The following NXPH2 variants were observed in gnomAD, a reference collection of about 807,000 sequenced individuals.
The protein encoded by NXPH2 is neurexophilin-2.
NXPH2 carries 5 observed loss-of-function variants against 19.8 expected under a neutral mutation model. The observed-to-expected ratio is 0.25, with a 90% confidence interval of 0.13 to 0.53. NXPH2 has a LOEUF of 0.53. Among genes scored for constraint, NXPH2 ranks in the 20% least tolerant of loss-of-function variants. NXPH2 has a pLI of 0.96. For missense variants in NXPH2, 289 were observed against 322.8 expected (o/e 0.90, Z 0.80); for synonymous variants, 154 against 127.4 (o/e 1.21, Z -1.41).
At chr2:138,740,640 A>G (rs2105005858) in intron 1 of NXPH2, among the ~76,000 whole-genome samples, 1 of 152,320 alleles carries the variant, frequency 6.6e-6, no homozygotes, top group East Asian at 1.9e-4. Context: ...GCCATATGCT[A>G]CAACGCAGGG....
chr2:138,764,425 C>A (rs953870382), intron 1 of NXPH2, among the ~76,000 whole-genome samples: 1 of 152,160 alleles, frequency 6.6e-6, no homozygotes, highest in Non-Finnish European at 1.5e-5. Context: ...GTAGCTGGCC[C>A]ATGGACCAGC....
intron 1 of NXPH2, among the ~76,000 whole-genome samples, chr2:138,756,416 A>C (rs1392456563): frequency 6.6e-6 from 1 of 150,798 alleles, no homozygotes; most frequent in Non-Finnish European, 1.5e-5. Flanking sequence ...TTGAAAAGAA[A>C]TCTAGGTGCA....
At chr2:138,759,048 T>C (rs1208910442) in intron 1 of NXPH2, among the ~76,000 whole-genome samples, 1 of 152,214 alleles carries the variant, frequency 6.6e-6, no homozygotes, top group Non-Finnish European at 1.5e-5. Flanking sequence ...ACACTCTTTT[T>C]AACTTCTTTT....
intron 1 of NXPH2, among the ~76,000 whole-genome samples, chr2:138,691,011 G>A (rs999293895): frequency 6.6e-6 from 1 of 152,176 alleles, no homozygotes; most frequent in African/African-American, 2.4e-5. Flanking sequence ...TCACAACAAG[G>A]GAAGAGTGTT....
At chr2:138,734,852 G>T (rs1681514675) in intron 1 of NXPH2, among the ~76,000 whole-genome samples, 2 of 152,214 alleles carry the variant, frequency 1.3e-5, no homozygotes, top group Non-Finnish European at 2.9e-5. Context: ...AGAGAATTCA[G>T]TGTAGGGTAA....
intron 1 of NXPH2, among the ~76,000 whole-genome samples, chr2:138,689,928 C>T (rs534400041): frequency 2.0e-5 from 3 of 152,226 alleles, no homozygotes; most frequent in African/African-American, 4.8e-5. Flanking sequence ...AACAAATGGG[C>T]CTGTACATGC....
At chr2:138,741,386 C>T (rs1250236852) in intron 1 of NXPH2, among the ~76,000 whole-genome samples, 2 of 152,174 alleles carry the variant, frequency 1.3e-5, no homozygotes, top group Non-Finnish European at 2.9e-5. Flanking sequence ...GAAGAATGTT[C>T]TTGAGAGCTC....
intron 1 of NXPH2, among the ~76,000 whole-genome samples, chr2:138,697,648 T>C (rs1680848231): frequency 6.6e-6 from 1 of 151,898 alleles, no homozygotes; most frequent in African/African-American, 2.4e-5. Context: ...TTGGTATTTC[T>C]TATTTTCTTC....
chr2:138,746,395 A>T (rs1464761263), intron 1 of NXPH2, among the ~76,000 whole-genome samples: 1 of 151,650 alleles, frequency 6.6e-6, no homozygotes, highest in African/African-American at 2.4e-5. Context: ...GAAACTAAGA[A>T]CCTCCCTTGG....
At chr2:138,720,072 A>G (rs1681253158) in intron 1 of NXPH2, among the ~76,000 whole-genome samples, 1 of 152,122 alleles carries the variant, frequency 6.6e-6, no homozygotes, top group Non-Finnish European at 1.5e-5. Flanking sequence ...TCAATCCAGT[A>G]TAAAAAACAA....
rs770661941 is a variant in NXPH2, at chr2:138,671,472, T to C, written c.245A>G (p.Asp82Gly). The change falls in exon 2 of 2, where the codon GAT becomes GGT. Residue 82 changes from aspartate to glycine, a missense_variant. Physicochemically the swap from Asp to Gly is moderately conservative, Grantham distance 94. Transcript: ENST00000272641. ...AATCTCCGTGATGTTGGCCAGCCAA[T>C]CCCAAAAGTTTTCCATGCTGTCTGC... is the stretch of plus-strand genomic sequence containing the variant. The part of the protein sequence containing the change: ...AYADSMENFW[D>G]WLANITEIQE... The C allele has an allele frequency of 6.2e-6, 10 of 1,613,912 alleles. No homozygotes were observed. The highest frequency in any genetic ancestry group is 1.3e-5 in the African/African-American group (1 of 75,048).
At chr2:138,773,643 CCTG>C (rs1682212462) in intron 1 of NXPH2, among the ~76,000 whole-genome samples, 1 of 151,980 alleles carries the variant, frequency 6.6e-6, no homozygotes, top group Non-Finnish European at 1.5e-5. Context: ...AATAAATATA[CCTG>C]CTATATAACT....
chr2:138,777,793 G>A (rs903989932), intron 1 of NXPH2, among the ~76,000 whole-genome samples: 1 of 100,810 alleles, frequency 9.9e-6, no homozygotes, highest in Non-Finnish European at 1.9e-5. Context: ...ATCCAATTTC[G>A]ACAATAAGGT....
At chr2:138,694,346 G>A (rs1680795678) in intron 1 of NXPH2, among the ~76,000 whole-genome samples, 1 of 152,154 alleles carries the variant, frequency 6.6e-6, no homozygotes, top group Admixed American at 6.5e-5. Flanking sequence ...TGGAAACAGG[G>A]TCTTTGCAGA....
chr2:138,757,757 ATG>A (rs376545635), intron 1 of NXPH2, among the ~76,000 whole-genome samples: 3 of 150,698 alleles, frequency 2.0e-5, no homozygotes, highest in East Asian at 3.9e-4. Flanking sequence ...TCTCTTATAT[ATG>A]TGTGTGTGTG....
intron 1 of NXPH2, among the ~76,000 whole-genome samples, chr2:138,686,580 C>A (rs1206805565): frequency 2.0e-5 from 3 of 151,740 alleles, no homozygotes; most frequent in Non-Finnish European, 4.4e-5. Flanking sequence ...ACTTTAAGTT[C>A]TAGGGTACAT....
chr2:138,730,402 A>T (rs35095834), intron 1 of NXPH2, among the ~76,000 whole-genome samples: 59 of 151,816 alleles, frequency 3.9e-4, no homozygotes, highest in African/African-American at 1.4e-3. Context: ...ATATAGTCAC[A>T]TTTTGAGGTC....
intron 1 of NXPH2, among the ~76,000 whole-genome samples, chr2:138,767,314 C>A (rs1682106573): frequency 6.6e-6 from 1 of 152,256 alleles, no homozygotes; most frequent in African/African-American, 2.4e-5. Context: ...GAGACTGAGT[C>A]ACACTCAGAC....
At position 138,671,200 on chromosome 2, in the gene NXPH2, G is replaced by A. The variant is rs201853692; in HGVS notation, c.517C>T (p.Pro173Ser). Residue 173 changes from proline to serine, a missense_variant, in exon 2 of 2, where the codon CCC (proline) becomes TCC (serine). Coordinates refer to ENST00000272641, the MANE Select transcript of NXPH2 (RefSeq NM_007226.3). ...PSKVVEFEVS[P>S]QSTLETKESK... ...TCCTTGGTCTCCAAGGTAGACTGGGGGGAAACTTCAAATTCCACCACCTTG... is the reference window on the plus strand; with the variant it reads ...TCCTTGGTCTCCAAGGTAGACTGGGAGGAAACTTCAAATTCCACCACCTTG... The A allele has an allele frequency of 2.5e-6, 4 of 1,613,822 alleles. No homozygotes were observed. The highest frequency in any genetic ancestry group is 1.7e-5 in the Admixed American group (1 of 60,014).
Sources: allele counts gnomAD v4.1 joint callset (sites outside exome capture counted in the v4.1 genomes callset), GRCh38; gene constraint gnomAD v4.1.1; transcripts MANE v1.5; gene names NCBI Gene and HGNC (gene_info 2026-07-23, HGNC 2026-07-21).